The following ABCG1 variants were observed in gnomAD, a reference collection of about 807,000 sequenced individuals.
The protein encoded by ABCG1 is ATP-binding cassette sub-family G member 1.
A neutral mutation model predicts 69.2 loss-of-function variants in ABCG1; 29 were observed. That is an observed-to-expected ratio of 0.42 (90% confidence interval 0.31 to 0.57). The LOEUF (loss-of-function observed/expected upper bound fraction) is 0.57. ABCG1 is among the 20% of genes least tolerant of loss of function. The pLI is 0.15. For missense variants in ABCG1, 718 were observed against 898.1 expected (o/e 0.80, Z 2.56); for synonymous variants, 370 against 374.8 (o/e 0.99, Z 0.15).
Position 42,235,309 on chromosome 21 carries a change from G to T in ABCG1, c.286+9395G>T, listed in dbSNP as rs531171079. 1.4e-4 allele frequency among the ~76,000 whole-genome samples: 22 copies of T among 152,376 alleles called. No individual in the cohort carries two copies. The East Asian group carries it at 2.3e-3, about 16-fold the overall frequency. ...GTCCGCAGGGGAACGGCCCGCGGGT[G>T]TGTGGAGTCTGCGCCCCTGTGGCTT... On this transcript the variant is annotated intron_variant, in intron 2 of 14. Coordinates refer to ENST00000398449, the MANE Select transcript of ABCG1 (RefSeq NM_016818.3).
chr21:42,251,476 G>A (rs561672968), intron 2 of ABCG1, among the ~76,000 whole-genome samples: 55 of 152,314 alleles, frequency 3.6e-4, no homozygotes, highest in African/African-American at 1.2e-3. Flanking sequence ...GCCAGCCACC[G>A]TGTGAAGTTT....
chr21:42,270,493 T>C (rs1233461541), intron 2 of ABCG1, among the ~76,000 whole-genome samples: 1 of 152,070 alleles, frequency 6.6e-6, no homozygotes, highest in Non-Finnish European at 1.5e-5. Flanking sequence ...TCTTAATTAT[T>C]AATTAAGGGA....
upstream of ABCG1, among the ~76,000 whole-genome samples, chr21:42,214,971 A>G (rs1435943937): frequency 6.6e-6 from 1 of 152,210 alleles, no homozygotes; most frequent in African/African-American, 2.4e-5. Context: ...GGGAGGTGTC[A>G]AGTGAGCGAG....
Position 42,282,332 on chromosome 21 carries a change from G to T in ABCG1, c.647G>T (p.Ser216Ile). 2 of 1,613,632 alleles carry T rather than the reference G, an allele frequency of 1.2e-6. No homozygotes were observed. The highest frequency in any genetic ancestry group is 1.1e-5 in the South Asian group (1 of 91,084). The change falls in exon 6 of 15, where the codon AGC becomes ATC. Residue 216 changes from serine (S) to isoleucine (I), a missense_variant. Ser to Ile is a moderately radical substitution (Grantham distance 142). This residue lies in a region of ABCG1 where 514 missense variants were observed against 574.3 expected (regional missense o/e 0.90). Transcript: ENST00000398449. ...TCTTGCGCCAACACGCGGACCGGGA[G>T]CCTGTCAGGTGGTCAGCGCAAGCGC... The part of the protein sequence containing the change: ...LLSCANTRTG[S>I]LSGGQRKRLA...
At chr21:42,262,969 C>G (rs2068439067) in intron 2 of ABCG1, among the ~76,000 whole-genome samples, 1 of 152,216 alleles carries the variant, frequency 6.6e-6, no homozygotes, top group South Asian at 2.1e-4. Context: ...CCTGCCTGTG[C>G]CTCCTTCAAG....
At chr21:42,260,098 G>A in intron 2 of ABCG1, 2 of 1,550,672 alleles carry the variant, frequency 1.3e-6, no homozygotes, top group Non-Finnish European at 1.7e-6. Flanking sequence ...GGGGCAGGAA[G>A]GGCCTATGGT....
upstream of ABCG1, among the ~76,000 whole-genome samples, chr21:42,216,563 C>G (rs1216552531): frequency 6.6e-6 from 1 of 152,182 alleles, no homozygotes; most frequent in Non-Finnish European, 1.5e-5. Flanking sequence ...CAGGAGCAAG[C>G]CTGCAGCTGC....
chr21:42,226,545 G>C (rs1439262391), intron 2 of ABCG1, among the ~76,000 whole-genome samples: 1 of 152,206 alleles, frequency 6.6e-6, no homozygotes, highest in South Asian at 2.1e-4. Context: ...GGAAATTGAT[G>C]AGTGGTAGTT....
At chr21:42,202,421 G>A (rs1336006387) in intron 2 of ABCG1, among the ~76,000 whole-genome samples, 2 of 152,114 alleles carry the variant, frequency 1.3e-5, no homozygotes, top group East Asian at 1.9e-4. Flanking sequence ...CAGGAAGCAT[G>A]GAGGAGTAAA....
chr21:42,260,740 C>T (rs1222918991), intron 2 of ABCG1, among the ~76,000 whole-genome samples: 2 of 152,174 alleles, frequency 1.3e-5, no homozygotes, highest in Non-Finnish European at 2.9e-5. Context: ...GAACAAGGAC[C>T]CAGAAAGCAA....
rs183588219 is a variant in ABCG1 at position 42,289,318 on chromosome 21, A to G, written c.1225-732A>G. On this transcript the variant is annotated intron_variant, in intron 10 of 14. Coordinates refer to ENST00000398449, the MANE Select transcript of ABCG1 (RefSeq NM_016818.3). ...GGACATGCCTTTCTTCACCATGTCA[A>G]AGGAAAAGTGCAAGAGAGAAACCAA... Among the ~76,000 whole-genome samples the G allele has an allele frequency of 2.0e-3, 301 of 152,242 alleles. 2 individuals carry two copies. Among genetic ancestry groups the G allele is most frequent in the African/African-American group, 6.7e-3 (279 of 41,524 alleles).
rs2234716 is a variant in ABCG1, at chr21:42,219,222, C to CCCGCCG, written c.-14_-9dup. ...TCGGCCCCGCAGCTCAAGCCTCGTC[C>CCCGCCG]CCGCCGCCGCCGCCGCCGCCGCCGC... On this transcript the variant is annotated 5_prime_UTR_variant, in exon 1 of 15. Transcript: ENST00000398449. The surrounding 1 kb of genome is among the most constrained non-coding windows in gnomAD (Gnocchi z 5.3). 59,237 of 1,468,542 alleles carry CCCGCCG rather than the reference C, an allele frequency of 0.04. 856 individuals are homozygous for CCCGCCG. Among genetic ancestry groups the CCCGCCG allele is most frequent in the Middle Eastern group, 0.054 (297 of 5,526 alleles). The allele number at this position is 1,468,542 out of a possible 1,614,324, so 91.0% of individuals were successfully genotyped here.
rs2146364427 is a variant in ABCG1, at chr21:42,296,161, T to C, written c.1773-3T>C. 6.2e-7 allele frequency: 1 copy of C among 1,613,202 alleles called. No individual in the cohort carries two copies. The highest frequency in any genetic ancestry group is 2.2e-5 in the East Asian group (1 of 44,858). ...CTCCCTCATGCCTGGCCTTTCCTCC[T>C]AGGTATGGGTTCGAAGGGGTCATCC... On this transcript the variant is annotated splice_region_variant and splice_polypyrimidine_tract_variant and intron_variant, in intron 14 of 14. Transcript: ENST00000398449. This position sits in a 1 kb window ranked among gnomAD's most constrained non-coding sequence, Gnocchi z 5.4.
intron 2 of ABCG1, among the ~76,000 whole-genome samples, chr21:42,241,977 CAAAA>C (rs35823612): frequency 2.1e-5 from 2 of 94,240 alleles, no homozygotes; most frequent in Non-Finnish European, 2.2e-5. Context: ...GACCCTGTCT[CAAAA>C]AAAAAAAAAA....
intron 2 of ABCG1, among the ~76,000 whole-genome samples, chr21:42,237,852 T>G (rs916195353): frequency 1.3e-5 from 2 of 152,162 alleles, no homozygotes; most frequent in Non-Finnish European, 2.9e-5. Flanking sequence ...GAGGGGTGGC[T>G]GGGGAATGGT....
At chr21:42,259,856 A>C in intron 2 of ABCG1, 2 of 1,408,870 alleles carry the variant, frequency 1.4e-6, no homozygotes, top group Non-Finnish European at 1.9e-6. Flanking sequence ...AGAGCAGGGG[A>C]GAGAGAGGCC....
intron 2 of ABCG1, among the ~76,000 whole-genome samples, chr21:42,246,686 G>A (rs2068138794): frequency 6.6e-6 from 1 of 152,104 alleles, no homozygotes; most frequent in Non-Finnish European, 1.5e-5. Context: ...TTTTAAGTCA[G>A]GAAAAGACCT....
upstream of ABCG1, among the ~76,000 whole-genome samples, chr21:42,211,301 C>T (rs1169043019): frequency 6.6e-6 from 1 of 152,094 alleles, no homozygotes; most frequent in Non-Finnish European, 1.5e-5. Flanking sequence ...CACAGAGTTG[C>T]TATTTGGTGT....
rs1601404493 is a variant in ABCG1 at position 42,259,255 on chromosome 21, C to G, written c.287-11815C>G. On this transcript the variant is annotated intron_variant, in intron 2 of 14. Transcript: ENST00000398449. ...GTTCTGGAGCAGAGTCAGCAAAGCA[C>G]AGCCTGGAGACCAGATCTGTGCTCT... is the stretch of plus-strand genomic sequence containing the variant. 2.7e-6 allele frequency: 4 copies of G among 1,470,484 alleles called. No homozygotes were observed. The African/African-American group carries it at 5.7e-5, about 21-fold the overall frequency. The allele number at this position is 1,470,484 out of a possible 1,614,324, so 91.1% of individuals were successfully genotyped here.
Sources: gnomAD v4.1 joint callset for allele counts (sites outside exome capture counted in the v4.1 genomes callset) on GRCh38, gnomAD v4.1.1 for gene constraint, gnomAD v4.1.1 regional missense constraint, Gnocchi (gnomAD v3.1) non-coding constraint, MANE v1.5 for transcripts, NCBI Gene and HGNC (gene_info 2026-07-23, HGNC 2026-07-21) for gene names.